NCALD: variants seen among roughly 807,000 people sequenced by gnomAD.
NCALD encodes neurocalcin delta.
In NCALD, 10 loss-of-function variants were observed where a neutral mutation model predicts 18.6. The ratio of observed to expected loss-of-function variants is 0.54; its 90% confidence interval spans 0.33 to 0.91. The LOEUF (loss-of-function observed/expected upper bound fraction) is 0.91. Among genes scored for constraint, NCALD ranks in the 40% least tolerant of loss-of-function variants. The pLI is 0.03. For missense variants in NCALD, 184 were observed against 247.6 expected, an observed-to-expected ratio of 0.74 and a Z score of 1.72; for synonymous variants, 88 against 87.4, an observed-to-expected ratio of 1.01 and a Z score of -0.04.
At chr8:101,902,209 T>C (rs1235195441) in intron 3 of NCALD, among the ~76,000 whole-genome samples, 1 of 152,082 alleles carries the variant, frequency 6.6e-6, no homozygotes, top group Non-Finnish European at 1.5e-5. Context: ...TCTACTATTC[T>C]ACTTATAAGT....
At chr8:101,777,386 G>T (rs1207855987) in intron 1 of NCALD, among the ~76,000 whole-genome samples, 7 of 152,200 alleles carry the variant, frequency 4.6e-5, no homozygotes, top group Non-Finnish European at 8.8e-5. Flanking sequence ...ATTTAGGTTT[G>T]TATTTGACAG....
chr8:101,848,910 C>T (rs1459618295), intron 4 of NCALD, among the ~76,000 whole-genome samples: 3 of 152,086 alleles, frequency 2.0e-5, no homozygotes, highest in Non-Finnish European at 2.9e-5. Flanking sequence ...TACATGCACA[C>T]GTATGTTCAT....
At chr8:102,037,185 A>C (rs1030553136) in intron 1 of NCALD, among the ~76,000 whole-genome samples, 4 of 151,690 alleles carry the variant, frequency 2.6e-5, no homozygotes, top group African/African-American at 9.6e-5. Flanking sequence ...GCAACTTATA[A>C]ATATATTAAC....
chr8:101,762,941 C>G (rs112504728), intron 1 of NCALD, among the ~76,000 whole-genome samples: 203 of 152,286 alleles, frequency 1.3e-3, no homozygotes, highest in African/African-American at 4.6e-3. Context: ...ATCAGCACCT[C>G]TTGCCTATGA....
chr8:101,776,782 T>G (rs1223608680), intron 1 of NCALD, among the ~76,000 whole-genome samples: 1 of 152,190 alleles, frequency 6.6e-6, no homozygotes, highest in Admixed American at 6.5e-5. Context: ...AGAAGACTGA[T>G]GTAGGTTTTA....
intron 1 of NCALD, among the ~76,000 whole-genome samples, chr8:102,093,481 A>G (rs1242977470): frequency 6.6e-6 from 1 of 152,212 alleles, no homozygotes; most frequent in Non-Finnish European, 1.5e-5. Context: ...AAAGGTAAGT[A>G]AGGTTGGTAA....
At chr8:101,888,088 T>C (rs1193689466) in intron 3 of NCALD, among the ~76,000 whole-genome samples, 1 of 152,202 alleles carries the variant, frequency 6.6e-6, no homozygotes, top group Non-Finnish European at 1.5e-5. Context: ...AATCGGCCAC[T>C]GTATTTTGGG....
At chr8:101,798,203 G>A (rs533105260) in intron 4 of NCALD, among the ~76,000 whole-genome samples, 49 of 152,288 alleles carry the variant, frequency 3.2e-4, no homozygotes, top group African/African-American at 8.7e-4. Flanking sequence ...GTTTGGAAAG[G>A]AAGAAATAAA....
At chr8:102,118,876 C>T (rs1027888533) in intron 1 of NCALD, among the ~76,000 whole-genome samples, 2 of 152,180 alleles carry the variant, frequency 1.3e-5, no homozygotes, top group Non-Finnish European at 2.9e-5. Context: ...AACCTACCTT[C>T]AAGAATGTGT....
At chr8:101,999,051 C>G (rs554736273) in intron 2 of NCALD, among the ~76,000 whole-genome samples, 1 of 122,230 alleles carries the variant, frequency 8.2e-6, no homozygotes, top group Non-Finnish European at 1.6e-5. Flanking sequence ...GGGAAAAAAT[C>G]ATACCCACTC....
At chr8:101,885,066 T>C (rs1330971063) in intron 4 of NCALD, among the ~76,000 whole-genome samples, 1 of 152,190 alleles carries the variant, frequency 6.6e-6, no homozygotes, top group East Asian at 1.9e-4. Context: ...AGTCTTTAGC[T>C]TAGAAAACTG....
intron 1 of NCALD, among the ~76,000 whole-genome samples, chr8:102,107,195 C>CATATATATATATATAT (rs67447416): frequency 1.1e-5 from 1 of 89,302 alleles, no homozygotes; most frequent in Non-Finnish European, 2.1e-5. Flanking sequence ...TATGTGTGTA[C>CATATATATATATATAT]ATATATATAT....
intron 2 of NCALD, among the ~76,000 whole-genome samples, chr8:101,711,665 G>GTA (rs1815799916): frequency 6.6e-6 from 1 of 151,646 alleles, no homozygotes; most frequent in Non-Finnish European, 1.5e-5. Flanking sequence ...AGAAGAAAGG[G>GTA]TATCAGAGAT....
At chr8:101,926,753 C>T (rs1221039514) in intron 2 of NCALD, among the ~76,000 whole-genome samples, 1 of 152,096 alleles carries the variant, frequency 6.6e-6, no homozygotes, top group East Asian at 1.9e-4. Context: ...CTAGAAATGC[C>T]ACTTGTATCA....
At chr8:102,024,393 C>T (rs921072427) in intron 1 of NCALD, among the ~76,000 whole-genome samples, 7 of 152,168 alleles carry the variant, frequency 4.6e-5, no homozygotes, top group Non-Finnish European at 7.3e-5. Context: ...TCAGAGAGAA[C>T]TTCTTCAAGC....
intron 2 of NCALD, among the ~76,000 whole-genome samples, chr8:101,999,396 A>G (rs1821361834): frequency 6.6e-6 from 1 of 152,244 alleles, no homozygotes; most frequent in African/African-American, 2.4e-5. Flanking sequence ...GGAGACCATT[A>G]TTCTAAGTGA....
chr8:101,914,891 A>C (rs1360909086), intron 3 of NCALD, among the ~76,000 whole-genome samples: 1 of 152,206 alleles, frequency 6.6e-6, no homozygotes, highest in African/African-American at 2.4e-5. Flanking sequence ...ACAGTATTAG[A>C]AACCAAGATC....
intron 1 of NCALD, among the ~76,000 whole-genome samples, chr8:102,036,054 T>A (rs988957298): frequency 4.6e-5 from 7 of 152,048 alleles, no homozygotes; most frequent in Non-Finnish European, 8.8e-5. Context: ...TTTGGGAGGC[T>A]AAGGTAGGAG....
intron 4 of NCALD, among the ~76,000 whole-genome samples, chr8:101,805,266 T>C (rs1813057448): frequency 6.6e-6 from 1 of 152,156 alleles, no homozygotes; most frequent in African/African-American, 2.4e-5. Context: ...AGCTCCTCCC[T>C]TGAGAAGATG....
Sources: gnomAD v4.1 joint callset for allele counts (sites outside exome capture counted in the v4.1 genomes callset) on GRCh38, gnomAD v4.1.1 for gene constraint, MANE v1.5 for transcripts, NCBI Gene and HGNC (gene_info 2026-07-23, HGNC 2026-07-21) for gene names.